LRP1B: variants seen among roughly 807,000 people sequenced by gnomAD.
The protein encoded by LRP1B is LDL receptor related protein 1B.
In LRP1B, 217 loss-of-function variants were observed where a neutral mutation model predicts 556.6. That is an observed-to-expected ratio of 0.39 (90% CI 0.35 to 0.44). The LOEUF is 0.44. Among genes scored for constraint, LRP1B ranks in the 20% least tolerant of loss-of-function variants. LRP1B has a pLI of 1.00. For missense variants in LRP1B, 5,053 were observed against 5,620.8 expected, an observed-to-expected ratio of 0.90 and a Z score of 3.23; for synonymous variants, 2,047 against 1,865.8, an observed-to-expected ratio of 1.10 and a Z score of -2.50.
chr2:142,054,194 A>T (rs1212618112), intron 1 of LRP1B, among the ~76,000 whole-genome samples: 1 of 152,184 alleles, frequency 6.6e-6, no homozygotes. Flanking sequence ...GGAGGATGGT[A>T]ATTTAAAATC....
intron 7 of LRP1B, among the ~76,000 whole-genome samples, chr2:141,186,883 T>C (rs1024449796): frequency 2.6e-5 from 4 of 152,064 alleles, no homozygotes; most frequent in African/African-American, 9.6e-5. Flanking sequence ...CTCTGGATCT[T>C]TGTTTTTAAG....
At chr2:140,457,430 T>G in intron 61 of LRP1B, 33 bp downstream of exon 61, 1 of 1,486,666 alleles carries the variant, frequency 6.7e-7, no homozygotes, top group Non-Finnish European at 9.4e-7. Flanking sequence ...AAGATGTTAA[T>G]GCATTTATGG....
At chr2:140,286,794 T>C (rs1428072794) in intron 84 of LRP1B, among the ~76,000 whole-genome samples, 2 of 151,820 alleles carry the variant, frequency 1.3e-5, no homozygotes, top group Non-Finnish European at 1.5e-5. Flanking sequence ...CTTATGTATA[T>C]ATATTATCAT....
intron 3 of LRP1B, among the ~76,000 whole-genome samples, chr2:141,463,506 A>C (rs1209310374): frequency 7.0e-6 from 1 of 143,416 alleles, no homozygotes; most frequent in Non-Finnish European, 1.5e-5. Flanking sequence ...TACTTTGACC[A>C]GGAAAGAAAC....
chr2:141,192,514 G>T (rs1293429268), intron 6 of LRP1B, among the ~76,000 whole-genome samples: 1 of 151,814 alleles, frequency 6.6e-6, no homozygotes, highest in Non-Finnish European at 1.5e-5. Flanking sequence ...ATCTCAAAAT[G>T]TAAGTCCCTT....
chr2:140,784,285 T>C (rs1187019797), intron 32 of LRP1B, among the ~76,000 whole-genome samples: 1 of 151,784 alleles, frequency 6.6e-6, no homozygotes, highest in Non-Finnish European at 1.5e-5. Flanking sequence ...CAGGTTTCTA[T>C]GCCCCATGTG....
intron 10 of LRP1B, among the ~76,000 whole-genome samples, chr2:141,051,385 A>G (rs971585439): frequency 2.0e-5 from 3 of 152,130 alleles, no homozygotes; most frequent in Non-Finnish European, 4.4e-5. Flanking sequence ...CCAAATGCCC[A>G]TCAATGAAAG....
chr2:140,843,330 C>G (rs1415132763), intron 29 of LRP1B, among the ~76,000 whole-genome samples: 1 of 151,862 alleles, frequency 6.6e-6, no homozygotes, highest in Non-Finnish European at 1.5e-5. Context: ...TAGTATCCAG[C>G]ATTTCCTCCT....
At chr2:140,651,526 T>TAAAAAAAAAAAAAAAAAAAAAAAG (rs558677783) in intron 41 of LRP1B, among the ~76,000 whole-genome samples, 1 of 107,028 alleles carries the variant, frequency 9.3e-6, no homozygotes, top group African/African-American at 3.7e-5. Flanking sequence ...ATACAAAAAT[T>TAAAAAAAAAAAAAAAAAAAAAAAG]AAAAAAAAAA....
intron 2 of LRP1B, among the ~76,000 whole-genome samples, chr2:141,544,399 C>CCTT (rs1685473570): frequency 1.6e-5 from 1 of 61,618 alleles, no homozygotes; most frequent in Admixed American, 2.3e-4. Flanking sequence ...TCCTCCTCCT[C>CCTT]CTCCTCCTCC....
intron 2 of LRP1B, among the ~76,000 whole-genome samples, chr2:141,698,768 G>C (rs573270363): frequency 6.6e-5 from 10 of 151,632 alleles, no homozygotes; most frequent in Admixed American, 2.6e-4. Context: ...CATTAACTTA[G>C]AGCAGTGATT....
chr2:140,647,363 A>G (rs1235912853), intron 41 of LRP1B, among the ~76,000 whole-genome samples: 2 of 152,144 alleles, frequency 1.3e-5, no homozygotes, highest in African/African-American at 4.8e-5. Flanking sequence ...CTTATTTTTT[A>G]TATATTTTAA....
At position 141,462,796 on chromosome 2, in the gene LRP1B, G is replaced by A. The variant is rs76887738; in HGVS notation, c.343+17600C>T. ...ATTGTTACTATACTAGTAGTAACCC[G>A]CTGCCCAAAGCCAACAATAAAATAT... On this transcript the variant is annotated intron_variant, in intron 3 of 90. Coordinates refer to ENST00000389484, the MANE Select transcript of LRP1B (RefSeq NM_018557.3). 5.1e-3 allele frequency among the ~76,000 whole-genome samples: 744 copies of A among 145,816 alleles called. 6 individuals are homozygous for A. The highest frequency in any genetic ancestry group is 0.018 in the African/African-American group (722 of 39,510).
At chr2:142,035,464 AT>A (rs920728832) in intron 1 of LRP1B, among the ~76,000 whole-genome samples, 85 of 146,876 alleles carry the variant, frequency 5.8e-4, no homozygotes, top group Middle Eastern at 3.5e-3. Flanking sequence ...ACTTATTTGT[AT>A]TTTTTTTTTT....
chr2:140,390,140 A>C (rs1019487120), intron 66 of LRP1B, among the ~76,000 whole-genome samples: 5 of 152,098 alleles, frequency 3.3e-5, no homozygotes, highest in Admixed American at 3.3e-4. Flanking sequence ...AAAAACAAAC[A>C]AACAGAAAAA....
At chr2:141,854,836 A>G (rs949847178) in intron 1 of LRP1B, among the ~76,000 whole-genome samples, 4 of 152,044 alleles carry the variant, frequency 2.6e-5, no homozygotes, top group Non-Finnish European at 4.4e-5. Flanking sequence ...ATCTGTACCT[A>G]TTATTTTCTT....
At chr2:140,944,077 A>C (rs1213979758) in intron 20 of LRP1B, among the ~76,000 whole-genome samples, 1 of 152,088 alleles carries the variant, frequency 6.6e-6, no homozygotes, top group Non-Finnish European at 1.5e-5. Context: ...ACCCCAGAGG[A>C]CAATGGTGAC....
At chr2:141,227,750 T>C (rs570330478) in intron 6 of LRP1B, among the ~76,000 whole-genome samples, 112 of 152,310 alleles carry the variant, frequency 7.4e-4, no homozygotes, top group Middle Eastern at 3.4e-3. Flanking sequence ...TTTAATCTAA[T>C]TACAATGATC....
At chr2:142,016,941 T>A (rs983979831) in intron 1 of LRP1B, among the ~76,000 whole-genome samples, 41 of 97,602 alleles carry the variant, frequency 4.2e-4, no homozygotes, top group African/African-American at 1.3e-3. Context: ...TATATGTATA[T>A]ATGTGTATAT....
Sources: gnomAD v4.1 joint callset for allele counts (sites outside exome capture counted in the v4.1 genomes callset) on GRCh38, gnomAD v4.1.1 for gene constraint, MANE v1.5 for transcripts, NCBI Gene and HGNC (gene_info 2026-07-23, HGNC 2026-07-21) for gene names.